MAGI2: variants seen among roughly 807,000 people sequenced by gnomAD.
MAGI2 encodes membrane-associated guanylate kinase, WW and PDZ domain-containing protein 2.
MAGI2 carries 35 observed loss-of-function variants against 133.3 expected under a neutral mutation model. The observed-to-expected ratio is 0.26, with a 90% CI of 0.20 to 0.35. The LOEUF (loss-of-function observed/expected upper bound fraction) is 0.35, where lower values mean the gene tolerates loss of function less well. Ranked by LOEUF, MAGI2 falls within the 10% of genes least tolerant of loss-of-function variation. MAGI2 has a pLI of 1.00. For missense variants in MAGI2, 1,636 were observed against 1,863.4 expected, an observed-to-expected ratio of 0.88 and a Z score of 2.25; for synonymous variants, 729 against 710.6, an observed-to-expected ratio of 1.03 and a Z score of -0.41.
intron 21 of MAGI2, among the ~76,000 whole-genome samples, chr7:78,064,841 C>T (rs1813649756): frequency 6.6e-6 from 1 of 152,122 alleles, no homozygotes. Flanking sequence ...CTATCATCTA[C>T]ATTCTGATTT....
rs1356379922 is a variant in MAGI2, at chr7:78,604,450, C to T, written c.538+22670G>A. ...ATTACTTTACTGGCCGCCTTTTATC[C>T]CCATACTGAATCCCATTATCTCCCG... is the stretch of plus-strand genomic sequence containing the variant. On this transcript the variant is annotated intron_variant, in intron 3 of 21. Transcript: ENST00000354212. Among the ~76,000 whole-genome samples, 4 of 152,096 alleles carry T rather than the reference C, an allele frequency of 2.6e-5. No individual in the cohort carries two copies. In the East Asian group the frequency reaches 7.7e-4, roughly 29 times the overall value.
chr7:79,185,264 C>T lies in MAGI2; in HGVS notation c.302-178058G>A, dbSNP rs568891525. The stretch of plus-strand genomic sequence containing the variant: ...GGTATCTTTCTAGGGAAATGAAATG[C>T]GTATCTCCAAATGAATAGAATAAAC... On this transcript the variant is annotated intron_variant, in intron 1 of 21. Transcript: ENST00000354212. 3.3e-5 allele frequency among the ~76,000 whole-genome samples: 5 copies of T among 151,824 alleles called. No individual in the cohort carries two copies. In the South Asian group the frequency reaches 6.2e-4, roughly 19 times the overall value.
intron 1 of MAGI2, among the ~76,000 whole-genome samples, chr7:79,156,522 C>T (rs536792498): frequency 2.6e-5 from 4 of 152,236 alleles, no homozygotes; most frequent in African/African-American, 9.6e-5. Flanking sequence ...TGAACATTTC[C>T]TTTCTTTTGA....
At chr7:79,080,618 G>T (rs2129541843) in intron 1 of MAGI2, among the ~76,000 whole-genome samples, 1 of 152,166 alleles carries the variant, frequency 6.6e-6, no homozygotes, top group East Asian at 1.9e-4. Context: ...AGATAGGAGT[G>T]CTCCTATCTT....
At chr7:78,363,618 G>A (rs562626012) in intron 7 of MAGI2, among the ~76,000 whole-genome samples, 50 of 151,888 alleles carry the variant, frequency 3.3e-4, no homozygotes, top group African/African-American at 1.2e-3. Context: ...GTTTCTCTTA[G>A]AATTGTTCAC....
At chr7:78,671,493 A>T (rs1814386026) in intron 2 of MAGI2, among the ~76,000 whole-genome samples, 1 of 152,174 alleles carries the variant, frequency 6.6e-6, no homozygotes, top group South Asian at 2.1e-4. Context: ...AAGCAATTTC[A>T]ACTTCTCATT....
intron 14 of MAGI2, among the ~76,000 whole-genome samples, chr7:78,176,144 C>T (rs1826578299): frequency 6.6e-6 from 1 of 152,128 alleles, no homozygotes; most frequent in Non-Finnish European, 1.5e-5. Context: ...GGGAGTAAAA[C>T]ACAGCCAAGA....
intron 6 of MAGI2, among the ~76,000 whole-genome samples, chr7:78,442,275 C>A (rs2151461146): frequency 6.6e-6 from 1 of 152,300 alleles, no homozygotes; most frequent in South Asian, 2.1e-4. Flanking sequence ...TACTTCCTAT[C>A]TGATTGAAAA....
intron 9 of MAGI2, among the ~76,000 whole-genome samples, chr7:78,309,090 G>A (rs1358822812): frequency 1.3e-5 from 2 of 152,208 alleles, no homozygotes; most frequent in African/African-American, 4.8e-5. Context: ...CTGTTGGTGG[G>A]AATGTAAATC....
At chr7:79,161,148 A>G (rs1007375308) in intron 1 of MAGI2, among the ~76,000 whole-genome samples, 13 of 152,064 alleles carry the variant, frequency 8.5e-5, no homozygotes, top group Admixed American at 8.5e-4. Flanking sequence ...TAACCCCTTT[A>G]CCTAAATGTC....
chr7:79,125,390 G>C (rs1222225469), intron 1 of MAGI2: 4 of 480,134 alleles, frequency 8.3e-6, no homozygotes, highest in Non-Finnish European at 1.6e-5. Context: ...GGTCATGGAG[G>C]AAACCTCAGG....
At chr7:78,785,961 G>A (rs1583882678) in intron 2 of MAGI2, among the ~76,000 whole-genome samples, 1 of 152,194 alleles carries the variant, frequency 6.6e-6, no homozygotes, top group East Asian at 1.9e-4. Context: ...GGGAGACAGA[G>A]GAATGAAGGA....
chr7:78,411,095 G>A (rs1797832403), intron 6 of MAGI2, among the ~76,000 whole-genome samples: 1 of 152,022 alleles, frequency 6.6e-6, no homozygotes, highest in Admixed American at 6.6e-5. Context: ...TTTCAGTAAA[G>A]AGAATTTGGC....
chr7:78,695,349 G>A (rs998117292), intron 2 of MAGI2, among the ~76,000 whole-genome samples: 1 of 152,170 alleles, frequency 6.6e-6, no homozygotes, highest in Admixed American at 6.5e-5. Context: ...AACAAGCACT[G>A]ACAGTCACAT....
At chr7:78,715,305 C>A (rs1191799697) in intron 2 of MAGI2, among the ~76,000 whole-genome samples, 1 of 152,134 alleles carries the variant, frequency 6.6e-6, no homozygotes. Flanking sequence ...GTTTCAGAAT[C>A]ATTGTCCTGG....
chr7:78,404,736 T>C (rs1797220390), intron 6 of MAGI2, among the ~76,000 whole-genome samples: 1 of 152,134 alleles, frequency 6.6e-6, no homozygotes, highest in Admixed American at 6.6e-5. Flanking sequence ...ACCTAGGCAA[T>C]ACCATTCAGG....
chr7:79,317,676 G>C (rs566510752), intron 1 of MAGI2, among the ~76,000 whole-genome samples: 1 of 152,212 alleles, frequency 6.6e-6, no homozygotes, highest in South Asian at 2.1e-4. Flanking sequence ...ATTCACGCAA[G>C]CTACATTTGA....
intron 13 of MAGI2, among the ~76,000 whole-genome samples, chr7:78,185,158 T>A (rs1827565801): frequency 1.3e-5 from 2 of 152,238 alleles, no homozygotes; most frequent in Admixed American, 6.5e-5. Context: ...TGCAAAATAT[T>A]GTTTCAACAT....
intron 1 of MAGI2, among the ~76,000 whole-genome samples, chr7:79,225,462 G>A (rs777407836): frequency 1.3e-5 from 2 of 152,128 alleles, no homozygotes; most frequent in African/African-American, 2.4e-5. Flanking sequence ...CGAAGTTACT[G>A]TCACACAGTC....
Sources: gnomAD v4.1 joint callset for allele counts (sites outside exome capture counted in the v4.1 genomes callset) on GRCh38, gnomAD v4.1.1 for gene constraint, MANE v1.5 for transcripts, NCBI Gene and HGNC (gene_info 2026-07-23, HGNC 2026-07-21) for gene names.